NCBP3: variants seen among roughly 807,000 people sequenced by gnomAD.
The protein encoded by NCBP3 is nuclear cap binding subunit 3.
In NCBP3, 20 loss-of-function variants were observed where a neutral mutation model predicts 75.7. The ratio of observed to expected loss-of-function variants is 0.26; its 90% CI spans 0.19 to 0.38. The LOEUF is 0.38. NCBP3 is among the 10% of genes least tolerant of loss of function. The pLI is 1.00. For missense variants in NCBP3, 678 were observed against 796.9 expected (o/e 0.85, Z 1.80); for synonymous variants, 293 against 290.5 (o/e 1.01, Z -0.09).
chr17:3,839,814 T>C (rs1486504656), intron 3 of NCBP3, among the ~76,000 whole-genome samples: 2 of 152,234 alleles, frequency 1.3e-5, no homozygotes, highest in Non-Finnish European at 2.9e-5. Flanking sequence ...GTAAGGGTCC[T>C]TAGAAGCACA....
At chr17:3,817,755 T>C (rs1036811461) in intron 10 of NCBP3, among the ~76,000 whole-genome samples, 1 of 152,202 alleles carries the variant, frequency 6.6e-6, no homozygotes, top group African/African-American at 2.4e-5. Context: ...TTAGTGCAAT[T>C]GTAAGAAAAT....
chr17:3,812,182 AGAC>A lies in NCBP3; in HGVS notation c.*859_*861del, dbSNP rs1290362616. On this transcript the variant is annotated 3_prime_UTR_variant, in exon 13 of 13. Coordinates refer to ENST00000389005, the MANE Select transcript of NCBP3 (RefSeq NM_001114118.3). ...TAGAATATATATTTAACAGCACAAA[AGAC>A]GACACCACTTGAGCTTCCCCTTTAG... 2 of 152,398 alleles carry A rather than the reference AGAC, an allele frequency of 1.3e-5. No homozygotes were observed. The highest frequency in any genetic ancestry group is 4.1e-4 in the South Asian group (2 of 4,836). 9.4% of individuals were successfully genotyped at this position (152,398 alleles called of 1,614,324 possible). A position where few individuals can be genotyped will look rare whatever the true frequency, so the allele number is the denominator to read the frequency against.
intron 3 of NCBP3, among the ~76,000 whole-genome samples, chr17:3,834,816 A>C (rs1417373680): frequency 7.1e-6 from 1 of 140,356 alleles, no homozygotes; most frequent in East Asian, 2.1e-4. Flanking sequence ...AGCAAGCTCC[A>C]AGACTGTGGA....
chr17:3,804,740 G>A lies in NCBP3; in HGVS notation c.*8304C>T, dbSNP rs7503464. 0.56 allele frequency: 85,232 copies of A among 151,958 alleles called. 24,254 individuals are homozygous for A. The highest frequency in any genetic ancestry group is 0.67 in the African/African-American group (27,688 of 41,436). The allele number at this position is 151,958 out of a possible 1,614,324, so 9.4% of individuals were successfully genotyped here. A position where few individuals can be genotyped will look rare whatever the true frequency, so the allele number is the denominator to read the frequency against. On this transcript the variant is annotated 3_prime_UTR_variant, in exon 13 of 13. Coordinates refer to ENST00000389005, the MANE Select transcript of NCBP3 (RefSeq NM_001114118.3). Reference sequence around the variant, plus strand: ...TGGTACTCACGACCTTTGAACACTCGGTAGGAGTGCCCTGCTCAGTGCCAA... The same window carrying A: ...TGGTACTCACGACCTTTGAACACTCAGTAGGAGTGCCCTGCTCAGTGCCAA...
chr17:3,829,045 C>T (rs114644616), intron 4 of NCBP3, among the ~76,000 whole-genome samples, 198 bp downstream of exon 4: 2,258 of 152,234 alleles, frequency 0.015, 53 homozygotes, highest in African/African-American at 0.052. Context: ...TGACGTGGGA[C>T]ACTATGGGGT....
At chr17:3,835,827 C>A (rs1341909036) in intron 3 of NCBP3, among the ~76,000 whole-genome samples, 2 of 152,216 alleles carry the variant, frequency 1.3e-5, no homozygotes, top group Non-Finnish European at 2.9e-5. Context: ...TCAAATGTAG[C>A]GAGTCACTCT....
chr17:3,816,072 C>T (rs2053525023), intron 11 of NCBP3, 44 bp downstream of exon 11: 2 of 1,584,722 alleles, frequency 1.3e-6, no homozygotes, highest in Non-Finnish European at 1.7e-6. Context: ...AGTCTGCTTT[C>T]CGGAGCTCAG....
intron 7 of NCBP3, among the ~76,000 whole-genome samples, chr17:3,823,434 A>C (rs1486077653): frequency 6.6e-6 from 1 of 152,190 alleles, no homozygotes; most frequent in African/African-American, 2.4e-5. Flanking sequence ...AACTGATGTA[A>C]ATAAACAAAC....
In NCBP3 at chr17:3,818,654, T is replaced by G. The variant is rs375572024; in HGVS notation, c.1001-82A>C. The G allele has an allele frequency of 6.8e-7, 1 of 1,468,322 alleles. No homozygotes were observed. Among genetic ancestry groups the G allele is most frequent in the Non-Finnish European group, 9.1e-7 (1 of 1,101,594 alleles). 91.0% of individuals were successfully genotyped at this position (1,468,322 alleles called of 1,614,324 possible). On this transcript the variant is annotated intron_variant, in intron 9 of 12. Transcript: ENST00000389005. The surrounding 1 kb of genome is among the most constrained non-coding windows in gnomAD (Gnocchi z 4.7). The stretch of plus-strand genomic sequence containing the variant: ...TTTCTACTCTACATCGGTGACCTTT[T>G]TAAAAGGTGGGGTTCCCATCCCTGA...
intron 3 of NCBP3, 85 bp downstream of exon 3, chr17:3,840,015 G>A (rs968095952): frequency 1.9e-6 from 2 of 1,062,672 alleles, no homozygotes; most frequent in Admixed American, 2.1e-5. Flanking sequence ...GGACACGCAA[G>A]GCAAGGCCAG....
Position 3,846,033 on chromosome 17 carries a change from G to A in NCBP3, c.183+8C>T, listed in dbSNP as rs1380030292. On this transcript the variant is annotated splice_region_variant and intron_variant, in intron 1 of 12. Transcript: ENST00000389005. The surrounding 1 kb of genome is among the most constrained non-coding windows in gnomAD (Gnocchi z 4.6). ...ACCTCTTCCTTACCCCCCGACCCCC[G>A]CCCGTACCGGGATCAGTTCCTTGAG... The A allele has an allele frequency of 1.3e-6, 2 of 1,542,046 alleles. No homozygotes were observed. The highest frequency in any genetic ancestry group is 4.0e-5 in the Admixed American group (2 of 50,430).
chr17:3,824,301 A>T (rs564198824), intron 7 of NCBP3: 1 of 152,174 alleles, frequency 6.6e-6, no homozygotes, highest in South Asian at 2.1e-4. Flanking sequence ...AAAAAAACCA[A>T]TATGTGTATA....
intron 9 of NCBP3, among the ~76,000 whole-genome samples, chr17:3,819,001 T>C (rs2053608290): frequency 6.6e-6 from 1 of 152,220 alleles, no homozygotes; most frequent in Admixed American, 6.5e-5. Flanking sequence ...TTTCATCTCA[T>C]GCTGTAAACA....
rs184645400 is a variant in NCBP3, at chr17:3,814,344, G to A, written c.1605C>T (p.Ala535=). 32 of 1,613,952 alleles carry A rather than the reference G, an allele frequency of 2.0e-5. No homozygotes were observed. The highest frequency in any genetic ancestry group is 4.4e-5 in the South Asian group (4 of 91,058). ...VPRQDSKGLY[A]DTREKKSGNL... is the part of the protein sequence containing the mutation. ...AACCTGATTTCTTCTCCCGAGTATC[G>A]GCGTAGAGGCCTTTACTATCCTGCC... is the stretch of plus-strand genomic sequence containing the variant. The change falls in exon 12 of 13, where the codon GCC becomes GCT. Residue 535 remains alanine, a synonymous_variant. Coordinates refer to ENST00000389005, the MANE Select transcript of NCBP3 (RefSeq NM_001114118.3).
chr17:3,831,412 A>G (rs890420188), intron 3 of NCBP3, among the ~76,000 whole-genome samples: 5 of 151,674 alleles, frequency 3.3e-5, no homozygotes, highest in African/African-American at 1.2e-4. Context: ...CTCTACTAAA[A>G]ATACAAGAAA....
At chr17:3,830,361 C>A (rs902289897) in intron 3 of NCBP3, among the ~76,000 whole-genome samples, 2 of 152,038 alleles carry the variant, frequency 1.3e-5, no homozygotes, top group African/African-American at 4.8e-5. Context: ...TAATTATATA[C>A]CACAGAAAGA....
chr17:3,803,575 A>T lies in NCBP3; in HGVS notation c.*9469T>A, dbSNP rs924548122. 7.9e-5 allele frequency: 12 copies of T among 152,238 alleles called. No individual in the cohort carries two copies. The highest frequency in any genetic ancestry group is 5.9e-4 in the Admixed American group (9 of 15,284). The allele number at this position is 152,238 out of a possible 1,614,324, so 9.4% of individuals were successfully genotyped here. A position where few individuals can be genotyped will look rare whatever the true frequency, so the allele number is the denominator to read the frequency against. On this transcript the variant is annotated 3_prime_UTR_variant, in exon 13 of 13. Coordinates refer to ENST00000389005, the MANE Select transcript of NCBP3 (RefSeq NM_001114118.3). Reference sequence around the variant, plus strand: ...GCATGATGTATACAAATAATCCTCAAATGGTTCATGGTTCAGAGAGGATAG... The same window carrying T: ...GCATGATGTATACAAATAATCCTCATATGGTTCATGGTTCAGAGAGGATAG...
chr17:3,840,182 C>T lies in NCBP3; in HGVS notation c.273G>A (p.Gln91=), dbSNP rs2054039629. Residue 91 remains glutamine, a synonymous_variant, in exon 3 of 13, where the codon CAG becomes CAA. Coordinates refer to ENST00000389005, the MANE Select transcript of NCBP3 (RefSeq NM_001114118.3). ...TSKEAIEKKE[Q]RAKRFHFRSE... is the part of the protein sequence containing the mutation. ...ATCGAAAATGGAAGCGCTTGGCTCG[C>T]TGCTCTTTCTTTTCAATTGCTTCCT... is the stretch of plus-strand genomic sequence containing the variant. 6.4e-7 allele frequency: 1 copy of T among 1,551,692 alleles called. No homozygotes were observed. The highest frequency in any genetic ancestry group is 8.7e-7 in the Non-Finnish European group (1 of 1,146,974).
At chr17:3,843,205 T>C in intron 1 of NCBP3, 54 bp from the exon 2 acceptor site, 1 of 1,435,902 alleles carries the variant, frequency 7.0e-7, no homozygotes, top group South Asian at 1.3e-5. Context: ...GAAAAACCTA[T>C]AATAAAAGTC....
Sources: allele counts gnomAD v4.1 joint callset (sites outside exome capture counted in the v4.1 genomes callset), GRCh38; gene constraint gnomAD v4.1.1; non-coding constraint Gnocchi (gnomAD v3.1); transcripts MANE v1.5; gene names NCBI Gene and HGNC (gene_info 2026-07-23, HGNC 2026-07-21).